The following ESD variants were observed in gnomAD, a reference collection of about 807,000 sequenced individuals.
ESD encodes esterase D.
Under a neutral mutation model 38.1 loss-of-function variants are expected in ESD, and 34 were observed. The observed-to-expected ratio is 0.89, with a 90% CI of 0.68 to 1.19. The LOEUF is 1.19. ESD is among the 50% of genes most tolerant of loss of function. The pLI is 0.00. For synonymous variants in ESD, 97 were observed against 107.0 expected (o/e 0.91, Z 0.58); for missense variants, 334 against 327.2 (o/e 1.02, Z -0.16).
chr13:46,786,686 T>C (rs1875204376), intron 4 of ESD, among the ~76,000 whole-genome samples: 2 of 151,972 alleles, frequency 1.3e-5, no homozygotes, highest in South Asian at 2.1e-4. Context: ...TCACCTAATA[T>C]TGTTCTAATG....
intron 3 of ESD, among the ~76,000 whole-genome samples, chr13:46,789,872 G>C: frequency 6.6e-6 from 1 of 151,882 alleles, no homozygotes; most frequent in Non-Finnish European, 1.5e-5. Context: ...CTGGAGTGCA[G>C]TGGTGCCATC....
intron 9 of ESD, chr13:46,775,639 G>A (rs1162448147): frequency 8.5e-6 from 4 of 470,426 alleles, no homozygotes; most frequent in Admixed American, 2.4e-5. Flanking sequence ...CAATTACAAC[G>A]AATCTCAACG....
At chr13:46,780,978 A>G (rs572112802) in intron 7 of ESD, among the ~76,000 whole-genome samples, 3 of 151,814 alleles carry the variant, frequency 2.0e-5, no homozygotes, top group East Asian at 3.9e-4. Flanking sequence ...TACATATGGT[A>G]GTTATTCAAA....
At chr13:46,775,404 T>C in intron 9 of ESD, 1 of 222,428 alleles carries the variant, frequency 4.5e-6, no homozygotes, top group South Asian at 6.1e-5. Flanking sequence ...ATTTTCTTTA[T>C]TCTTTCTCAG....
Position 46,784,249 on chromosome 13 carries a change from T to TA in ESD, c.256+2dup. The TA allele has an allele frequency of 6.2e-7, 1 of 1,608,422 alleles. No individual in the cohort carries two copies. Among genetic ancestry groups the TA allele is most frequent in the African/African-American group, 1.3e-5 (1 of 74,804 alleles). ...AAAGGATATCTAGACCACAAACACT[T>TA]ACGAGGGCTGGTATCTGGAGCAATG... On this transcript the variant is annotated splice_region_variant and intron_variant, in intron 5 of 9. Transcript: ENST00000378720.
intron 6 of ESD, 40 bp from the exon 7 acceptor site, chr13:46,781,655 A>T (rs749517506): frequency 4.8e-5 from 75 of 1,560,798 alleles, no homozygotes; most frequent in Non-Finnish European, 6.3e-5. Flanking sequence ...ATATCAAAGA[A>T]AATAAGTTCA....
rs552081725 is a variant in ESD, at chr13:46,788,553, A to ATTTT, written c.69-1445_69-1444insAAAA. On this transcript the variant is annotated intron_variant, in intron 3 of 9. Coordinates refer to ENST00000378720, the MANE Select transcript of ESD (RefSeq NM_001984.2). ...ACTTAAACATTTGTTAAGAGGGTAT[A>ATTTT]TTTCATGTTGTTTTGTTATTACAAC... Among the ~76,000 whole-genome samples the ATTTT allele has an allele frequency of 1.1e-3, 161 of 151,468 alleles. 1 individual carries two copies. Among genetic ancestry groups the ATTTT allele is most frequent in the African/African-American group, 3.9e-3 (160 of 41,338 alleles).
At chr13:46,776,232 T>C (rs1377152510) in intron 9 of ESD, 1 of 153,212 alleles carries the variant, frequency 6.5e-6, no homozygotes, top group Non-Finnish European at 1.5e-5. Flanking sequence ...GGATGGACAC[T>C]AAGAGACAAA....
chr13:46,777,446 T>A lies in ESD; in HGVS notation c.768+10A>T, dbSNP rs1331154504. On this transcript the variant is annotated intron_variant, in intron 9 of 9. Coordinates refer to ENST00000378720, the MANE Select transcript of ESD (RefSeq NM_001984.2). Reference sequence around the variant, plus strand: ...TTATCTAGATCAAGCTAAAGTTTCCTAATACTTGCCTCTTGCAATCGAAAA... The same window carrying A: ...TTATCTAGATCAAGCTAAAGTTTCCAAATACTTGCCTCTTGCAATCGAAAA... The A allele has an allele frequency of 3.8e-6, 6 of 1,596,498 alleles. No homozygotes were observed. In the African/African-American group the frequency reaches 8.1e-5, roughly 21 times the overall value.
chr13:46,775,582 A>C (rs1231797341), intron 9 of ESD: 1 of 455,540 alleles, frequency 2.2e-6, no homozygotes, highest in South Asian at 1.6e-5. Flanking sequence ...ATCTGAAAGC[A>C]GACTCTCTGG....
chr13:46,776,908 T>TC (rs1301172359), intron 9 of ESD: 1 of 151,980 alleles, frequency 6.6e-6, no homozygotes. Context: ...GTTAGGTGAG[T>TC]AGTGGACGGT....
Position 46,777,519 on chromosome 13 carries a change from G to C in ESD, c.705C>G (p.Leu235=). 1 of 1,611,192 alleles carries C rather than the reference G, an allele frequency of 6.2e-7. No homozygotes were observed. Residue 235 remains leucine, a synonymous_variant, in exon 9 of 10, where the codon CTC becomes CTG. Transcript: ENST00000378720. ...TACAGGCAGCTATGAAGTTATCAGG[G>C]AGTAACTGTCCATCTAAAAGAAACT... is the stretch of plus-strand genomic sequence containing the variant. ...DDQFLLDGQL[L]PDNFIAACTE...
intron 8 of ESD, 34 bp downstream of exon 8, chr13:46,779,898 TTAA>T: frequency 6.7e-7 from 1 of 1,495,914 alleles, no homozygotes. Flanking sequence ...AACTTGAAAC[TTAA>T]GAATGAGTAT....
intron 3 of ESD, among the ~76,000 whole-genome samples, chr13:46,790,173 T>C (rs1158234993): frequency 1.3e-5 from 2 of 152,074 alleles, no homozygotes; most frequent in East Asian, 3.9e-4. Flanking sequence ...TAGCATCCTA[T>C]GAAGTCAAGA....
At position 46,791,387 on chromosome 13, in the gene ESD, G is replaced by C. The variant is rs777535196; in HGVS notation, c.27C>G (p.Asn9Lys). Reference protein sequence around the residue: MALKQISSNKCFGGLQKVF... With the variant: MALKQISSKKCFGGLQKVF... ...CTTTCTGCAATCCCCCAAAGCACTT[G>C]TTGCTGGAAATCTGCTTCAATGCCA... Residue 9 changes from asparagine (N) to lysine (K), a missense_variant, in exon 3 of 10, where the codon AAC becomes AAG. Coordinates refer to ENST00000378720, the MANE Select transcript of ESD (RefSeq NM_001984.2). 2.5e-5 allele frequency: 40 copies of C among 1,612,876 alleles called. No individual in the cohort carries two copies. In the Admixed American group the frequency reaches 6.0e-4, roughly 24 times the overall value.
rs1382291068 is a variant in ESD at position 46,771,333 on chromosome 13, A to AT, written c.*82_*83insA. On this transcript the variant is annotated 3_prime_UTR_variant, in exon 10 of 10. Transcript: ENST00000378720. Reference sequence around the variant, plus strand: ...TAGCACTATAAAATCCAATGTTTTGAATTTTTTTTTTTTTTGCTCAGCAAT... The same window carrying AT: ...TAGCACTATAAAATCCAATGTTTTGATATTTTTTTTTTTTTTGCTCAGCAAT... 54 of 858,414 alleles carry AT rather than the reference A, an allele frequency of 6.3e-5. No homozygotes were observed. The highest frequency in any genetic ancestry group is 5.8e-4 in the African/African-American group (28 of 48,622). The allele number at this position is 858,414 out of a possible 1,614,324, so 53.2% of individuals were successfully genotyped here.
chr13:46,782,610 T>G, intron 6 of ESD, 57 bp downstream of exon 6: 1 of 1,579,836 alleles, frequency 6.3e-7, no homozygotes, highest in Admixed American at 1.7e-5. Context: ...GGACTTTGTG[T>G]TCAAAATCAA....
At chr13:46,781,920 A>G (rs541225818) in intron 6 of ESD, among the ~76,000 whole-genome samples, 43 of 151,946 alleles carry the variant, frequency 2.8e-4, no homozygotes, top group African/African-American at 1.0e-3. Flanking sequence ...ATTCTAAGGA[A>G]AAGTCCTTAG....
intron 7 of ESD, among the ~76,000 whole-genome samples, chr13:46,781,228 G>C (rs1251578533): frequency 6.6e-6 from 1 of 151,574 alleles, no homozygotes; most frequent in Non-Finnish European, 1.5e-5. Flanking sequence ...ACTATAGTTG[G>C]AATAAAAACA....
Sources: allele counts gnomAD v4.1 joint callset (sites outside exome capture counted in the v4.1 genomes callset), GRCh38; gene constraint gnomAD v4.1.1; transcripts MANE v1.5; gene names NCBI Gene and HGNC (gene_info 2026-07-23, HGNC 2026-07-21).